The following EDEM3 variants were observed in gnomAD, a reference collection of about 807,000 sequenced individuals.
EDEM3 encodes the protein ER degradation enhancing alpha-mannosidase like protein 3, also known as ER degradation-enhancing alpha-mannosidase-like protein 3.
A neutral mutation model predicts 110.2 loss-of-function variants in EDEM3; 60 were observed. That is an observed-to-expected ratio of 0.54 (90% CI 0.44 to 0.67). The LOEUF is 0.67. Ranked by LOEUF, EDEM3 falls within the 30% of genes least tolerant of loss-of-function variation. The probability of loss-of-function intolerance (pLI) is 0.00; values close to 1 mark genes in which losing one functional copy is unlikely to be tolerated. For synonymous variants in EDEM3, 352 were observed against 382.9 expected (o/e 0.92, Z 0.94); for missense variants, 996 against 1,121.0 (o/e 0.89, Z 1.59).
At chr1:184,731,607 C>G (rs1315783467) in intron 6 of EDEM3, among the ~76,000 whole-genome samples, 1 of 152,192 alleles carries the variant, frequency 6.6e-6, no homozygotes, top group Non-Finnish European at 1.5e-5. Flanking sequence ...CATGCCCTCC[C>G]TCTGTCCTGT....
chr1:184,752,370 A>T (rs1410731794), intron 1 of EDEM3, among the ~76,000 whole-genome samples: 3 of 152,146 alleles, frequency 2.0e-5, no homozygotes, highest in Non-Finnish European at 4.4e-5. Flanking sequence ...TTTGGGCTTT[A>T]AAAAATGCAC....
chr1:184,708,370 T>A, intron 16 of EDEM3, 26 bp from the exon 17 acceptor site: 16 of 1,606,846 alleles, frequency 1.0e-5, no homozygotes, highest in Non-Finnish European at 1.4e-5. Flanking sequence ...ATTCATTTTA[T>A]CCTTCCTTTC....
chr1:184,741,348 G>A lies in EDEM3; in HGVS notation c.205-3637C>T, dbSNP rs1190301426. ...TGGGAGGCAGAGGCTGCACTGCGCCGAGATCTCGCCATTGCACTCCAGCCT... is the reference window on the plus strand; with the variant it reads ...TGGGAGGCAGAGGCTGCACTGCGCCAAGATCTCGCCATTGCACTCCAGCCT... On this transcript the variant is annotated intron_variant, in intron 2 of 19. Coordinates refer to ENST00000318130, the MANE Select transcript of EDEM3 (RefSeq NM_025191.4). 3.9e-5 allele frequency among the ~76,000 whole-genome samples: 6 copies of A among 151,938 alleles called. No individual in the cohort carries two copies. In the South Asian group the frequency reaches 8.3e-4, roughly 21 times the overall value.
intron 11 of EDEM3, 82 bp downstream of exon 11, chr1:184,719,080 G>A (rs1037118549): frequency 1.6e-5 from 11 of 692,740 alleles, no homozygotes; most frequent in Non-Finnish European, 2.5e-5. Flanking sequence ...CTTTATATTA[G>A]CAACTTATAG....
At chr1:184,748,148 AAATT>A (rs549108522) in intron 2 of EDEM3, among the ~76,000 whole-genome samples, 206 of 152,238 alleles carry the variant, frequency 1.4e-3, no homozygotes, top group African/African-American at 4.7e-3. Flanking sequence ...TGACAAAAAA[AAATT>A]AATTAAAAAA....
chr1:184,700,616 A>G (rs550320005), intron 19 of EDEM3, among the ~76,000 whole-genome samples: 2 of 152,124 alleles, frequency 1.3e-5, no homozygotes, highest in African/African-American at 4.8e-5. Context: ...AGTCTGAATC[A>G]GAAAGTCTGA....
At chr1:184,710,635 C>T in intron 15 of EDEM3, 88 bp from the exon 16 acceptor site, 2 of 1,451,690 alleles carry the variant, frequency 1.4e-6, no homozygotes, top group Non-Finnish European at 1.8e-6. Flanking sequence ...ATGTTACTTG[C>T]AAAATTGCTA....
Position 184,710,403 on chromosome 1 carries a change from A to C in EDEM3, c.1836T>G (p.His612Gln). The change falls in exon 16 of 20, where the codon CAT (histidine) becomes CAG (glutamine). Residue 612 changes from histidine to glutamine, a missense_variant. Physicochemically the swap from His to Gln is conservative, Grantham distance 24 (BLOSUM62 0). Coordinates refer to ENST00000318130, the MANE Select transcript of EDEM3 (RefSeq NM_025191.4). The stretch of plus-strand genomic sequence containing the variant: ...TGTAGCAATGTCTTACTTGGATTGC[A>C]TGTTGGACCAACTGGACTCTCCCAT... ...LKDGRVQLVQ[H>Q]AIQAASSIDA... 6.2e-7 allele frequency: 1 copy of C among 1,613,856 alleles called. No homozygotes were observed.
rs1348041877 is a variant in EDEM3, at chr1:184,690,904, T to C, written c.*3159A>G. Reference sequence around the variant, plus strand: ...CTAAAATTATAAGCAGTATTTGAATTACTTATGCTGAGCTTTCTTCATGAT... The same window carrying C: ...CTAAAATTATAAGCAGTATTTGAATCACTTATGCTGAGCTTTCTTCATGAT... On this transcript the variant is annotated 3_prime_UTR_variant, in exon 20 of 20. Coordinates refer to ENST00000318130, the MANE Select transcript of EDEM3 (RefSeq NM_025191.4). The C allele has an allele frequency of 6.6e-6, 1 of 152,442 alleles. No individual in the cohort carries two copies. The highest frequency in any genetic ancestry group is 2.4e-5 in the African/African-American group (1 of 41,452). The allele number at this position is 152,442 out of a possible 1,614,324, so 9.4% of individuals were successfully genotyped here. A position where few individuals can be genotyped will look rare whatever the true frequency, so the allele number is the denominator to read the frequency against.
At chr1:184,748,418 C>T (rs1460183531) in intron 2 of EDEM3, among the ~76,000 whole-genome samples, 2 of 150,566 alleles carry the variant, frequency 1.3e-5, no homozygotes, top group East Asian at 3.9e-4. Context: ...CTATACTCCA[C>T]AGCCTGGGCG....
At chr1:184,728,844 G>A (rs1044575389) in intron 6 of EDEM3, among the ~76,000 whole-genome samples, 4 of 152,136 alleles carry the variant, frequency 2.6e-5, no homozygotes, top group African/African-American at 4.8e-5. Context: ...TCTTGACCTC[G>A]TGATCCGCCC....
At chr1:184,750,511 A>ACTTTAT (rs1491476732) in intron 1 of EDEM3, among the ~76,000 whole-genome samples, 5 of 110,138 alleles carry the variant, frequency 4.5e-5, no homozygotes, top group African/African-American at 1.8e-4. Context: ...TTTTTTATTA[A>ACTTTAT]CTTTTTCTTT....
At chr1:184,749,704 A>T in intron 1 of EDEM3, 112 bp from the exon 2 acceptor site, 1 of 906,094 alleles carries the variant, frequency 1.1e-6, no homozygotes, top group African/African-American at 1.7e-5. Flanking sequence ...CAATAAAAAC[A>T]AAAGAAAAAT....
intron 13 of EDEM3, among the ~76,000 whole-genome samples, chr1:184,716,384 A>C (rs551352308): frequency 1.3e-5 from 2 of 152,180 alleles, no homozygotes; most frequent in African/African-American, 2.4e-5. Flanking sequence ...TATAGCTTGA[A>C]TACTTCATAC....
Position 184,754,747 on chromosome 1 carries a change from C to A in EDEM3, c.-101G>T, listed in dbSNP as rs1315007618. On this transcript the variant is annotated 5_prime_UTR_variant, in exon 1 of 20. Coordinates refer to ENST00000318130, the MANE Select transcript of EDEM3 (RefSeq NM_025191.4). Reference sequence around the variant, plus strand: ...GGCTGCTAGCCGTGCCGAGACGGGGCGGGATGCGGAGTAACACGGACGGCC... The same window carrying A: ...GGCTGCTAGCCGTGCCGAGACGGGGAGGGATGCGGAGTAACACGGACGGCC... 29 of 1,414,518 alleles carry A rather than the reference C, an allele frequency of 2.1e-5. No homozygotes were observed. The highest frequency in any genetic ancestry group is 2.7e-5 in the Non-Finnish European group (29 of 1,090,606). 87.6% of individuals were successfully genotyped at this position (1,414,518 alleles called of 1,614,324 possible).
chr1:184,701,571 A>AG lies in EDEM3; in HGVS notation c.2389+1239dup, dbSNP rs956669836. On this transcript the variant is annotated intron_variant, in intron 19 of 19. Transcript: ENST00000318130. ...TGAAATTCCAGTGGTAGCACAAAAT[A>AG]GGGGGAAAAAAAGCAAATGCATTAA... The AG allele has an allele frequency of 4.8e-5, 61 of 1,274,202 alleles. No individual in the cohort carries two copies. The East Asian group carries it at 1.8e-3, about 37-fold the overall frequency. 78.9% of individuals were successfully genotyped at this position (1,274,202 alleles called of 1,614,324 possible).
At chr1:184,726,200 A>G (rs1651180912) in intron 7 of EDEM3, 55 bp downstream of exon 7, 1 of 1,577,880 alleles carries the variant, frequency 6.3e-7, no homozygotes, top group African/African-American at 1.4e-5. Flanking sequence ...AATGAAGAAG[A>G]TATAAAGGTA....
rs1368242828 is a variant in EDEM3, at chr1:184,708,319, T to A, written c.1871A>T (p.Asp624Val). 11 of 1,612,166 alleles carry A rather than the reference T, an allele frequency of 6.8e-6. No individual in the cohort carries two copies. Among genetic ancestry groups the A allele is most frequent in the South Asian group, 1.1e-5 (1 of 90,544 alleles). The change falls in exon 17 of 20, where the codon GAT becomes GTT. Residue 624 changes from aspartate (D) to valine (V), a missense_variant. Around this residue, in one of 5 missense-constraint regions of EDEM3, gnomAD observed 345 missense variants for 402.0 expected, o/e 0.86. Transcript: ENST00000318130. ...IQAASSIDAE[D>V]GLRFMQEMIE... ...CATCTCCTGCATGAACCTCAACCCA[T>A]CTTCAGCGTCGATTGAACTAGCAGC...
At chr1:184,732,784 T>C in intron 6 of EDEM3, 53 bp downstream of exon 6, 1 of 1,543,198 alleles carries the variant, frequency 6.5e-7, no homozygotes, top group Admixed American at 1.9e-5. Flanking sequence ...AACTTCATTT[T>C]GTAAAACAGC....
Sources: allele counts gnomAD v4.1 joint callset (sites outside exome capture counted in the v4.1 genomes callset), GRCh38; gene constraint gnomAD v4.1.1; regional missense constraint gnomAD v4.1.1; transcripts MANE v1.5; gene names NCBI Gene and HGNC (gene_info 2026-07-23, HGNC 2026-07-21).